SLCO1A2: variants seen among roughly 807,000 people sequenced by gnomAD.
The protein encoded by SLCO1A2 is OATP-1.
SLCO1A2 carries 67 observed loss-of-function variants against 69.0 expected under a neutral mutation model. That is an observed-to-expected ratio of 0.97 (90% CI 0.80 to 1.19). The LOEUF (loss-of-function observed/expected upper bound fraction) is 1.19. Ranked by LOEUF, SLCO1A2 falls within the 50% of genes most tolerant of loss-of-function variation. SLCO1A2 has a pLI of 0.00. For synonymous variants in SLCO1A2, 260 were observed against 265.9 expected (o/e 0.98, Z 0.22); for missense variants, 787 against 793.7 (o/e 0.99, Z 0.10).
intron 11 of SLCO1A2, among the ~76,000 whole-genome samples, chr12:21,293,472 C>A (rs561054580): frequency 2.2e-4 from 33 of 151,838 alleles, no homozygotes; most frequent in African/African-American, 7.0e-4. Context: ...ATTGTGATAT[C>A]TTAGAGGCAA....
At chr12:21,407,313 T>C (rs184883170) in intron 1 of SLCO1A2, among the ~76,000 whole-genome samples, 15 of 152,132 alleles carry the variant, frequency 9.9e-5, no homozygotes, top group African/African-American at 3.6e-4. Context: ...GATAAGAAGG[T>C]TGGTGTAGTT....
chr12:21,401,183 T>C (rs1260056893), intron 1 of SLCO1A2, among the ~76,000 whole-genome samples: 1 of 151,794 alleles, frequency 6.6e-6, no homozygotes. Context: ...AAAAACAAAA[T>C]ATATTTAATT....
chr12:21,314,477 G>C, intron 4 of SLCO1A2, 72 bp downstream of exon 4: 1 of 1,526,062 alleles, frequency 6.6e-7, no homozygotes, highest in Non-Finnish European at 9.1e-7. Context: ...ATTGCTCCTA[G>C]AGAGGAAAGT....
chr12:21,363,935 C>T (rs1031178175), intron 2 of SLCO1A2, among the ~76,000 whole-genome samples: 1 of 152,082 alleles, frequency 6.6e-6, no homozygotes, highest in African/African-American at 2.4e-5. Flanking sequence ...AGTCCAGGAC[C>T]AGATGGATTC....
chr12:21,364,984 T>C (rs929073707), intron 2 of SLCO1A2, among the ~76,000 whole-genome samples: 2 of 152,186 alleles, frequency 1.3e-5, no homozygotes, highest in Admixed American at 6.5e-5. Context: ...AGGTAATTTA[T>C]AGATTCAATG....
intron 7 of SLCO1A2, among the ~76,000 whole-genome samples, chr12:21,300,798 T>G (rs1213631319): frequency 1.3e-5 from 2 of 152,232 alleles, no homozygotes; most frequent in African/African-American, 2.4e-5. Flanking sequence ...AGGTATTAAC[T>G]AAACAGCTAC....
At chr12:21,273,702 A>C (rs1270842077) in intron 14 of SLCO1A2, among the ~76,000 whole-genome samples, 5 of 152,164 alleles carry the variant, frequency 3.3e-5, no homozygotes, top group African/African-American at 9.6e-5. Flanking sequence ...TTCCCTCAGC[A>C]TCACTCCTGG....
chr12:21,409,753 G>T (rs942978806), intron 1 of SLCO1A2, among the ~76,000 whole-genome samples: 3 of 152,164 alleles, frequency 2.0e-5, no homozygotes, highest in African/African-American at 7.2e-5. Context: ...TGAGATCACA[G>T]TCGTATATTT....
chr12:21,325,556 C>A (rs1453064510), intron 2 of SLCO1A2, among the ~76,000 whole-genome samples: 1 of 152,142 alleles, frequency 6.6e-6, no homozygotes. Context: ...TTTCAGCTCC[C>A]TCATTATAAC....
intron 8 of SLCO1A2, 133 bp from the exon 9 acceptor site, chr12:21,297,701 T>G (rs1304491164): frequency 3.3e-6 from 2 of 603,298 alleles, no homozygotes; most frequent in Non-Finnish European, 5.4e-6. Context: ...TTGCTAATTC[T>G]TTTTTCCCCT....
rs746759359 is a variant in SLCO1A2 at position 21,292,277 on chromosome 12, C to A, written c.1497G>T (p.Leu499=). The part of the protein sequence containing the change: ...TSGNSSAVLG[L]CDKGPDCSLM... Reference sequence around the variant, plus strand: ...AGGAACAGTCAGGTCCTTTGTCGCACAGCCCAAGAACTGCAGATGAATTTC... The same window carrying A: ...AGGAACAGTCAGGTCCTTTGTCGCAAAGCCCAAGAACTGCAGATGAATTTC... The change falls in exon 12 of 15, where the codon CTG becomes CTT. Residue 499 remains leucine (L), a synonymous_variant. Transcript: ENST00000683939. 6 of 1,613,038 alleles carry A rather than the reference C, an allele frequency of 3.7e-6. No individual in the cohort carries two copies. The Middle Eastern group carries it at 8.3e-4, about 222-fold the overall frequency.
intron 10 of SLCO1A2, 112 bp from the exon 11 acceptor site, chr12:21,294,222 G>T (rs1407468891): frequency 3.4e-6 from 3 of 871,662 alleles, no homozygotes; most frequent in Non-Finnish European, 5.0e-6. Context: ...AATAGAAAGA[G>T]AAATTTTCCA....
intron 12 of SLCO1A2, among the ~76,000 whole-genome samples, chr12:21,279,306 T>C (rs1041942574): frequency 1.3e-5 from 2 of 152,142 alleles, no homozygotes; most frequent in Admixed American, 6.6e-5. Flanking sequence ...AAAGGGATAA[T>C]AGCAGAGAAC....
At chr12:21,306,580 G>A (rs1259995809) in intron 5 of SLCO1A2, among the ~76,000 whole-genome samples, 1 of 152,140 alleles carries the variant, frequency 6.6e-6, no homozygotes, top group Non-Finnish European at 1.5e-5. Context: ...ATCCGTCTCA[G>A]CCTCCCAAAG....
At chr12:21,371,653 T>C (rs1939799399) in intron 2 of SLCO1A2, among the ~76,000 whole-genome samples, 1 of 152,166 alleles carries the variant, frequency 6.6e-6, no homozygotes, top group Non-Finnish European at 1.5e-5. Context: ...TTTATTTGCT[T>C]TACATGACAC....
intron 2 of SLCO1A2, among the ~76,000 whole-genome samples, chr12:21,341,230 T>C (rs1260884863): frequency 2.6e-5 from 4 of 151,982 alleles, no homozygotes; most frequent in South Asian, 4.1e-4. Flanking sequence ...TGGGTATGCC[T>C]ATTGATGTAT....
chr12:21,381,862 C>A (rs1266613849), intron 1 of SLCO1A2, among the ~76,000 whole-genome samples: 1 of 152,118 alleles, frequency 6.6e-6, no homozygotes, highest in Non-Finnish European at 1.5e-5. Context: ...AAAAGAAATG[C>A]TTACACAATG....
intron 2 of SLCO1A2, among the ~76,000 whole-genome samples, chr12:21,364,701 T>A (rs1043084630): frequency 6.6e-6 from 1 of 152,152 alleles, no homozygotes; most frequent in African/African-American, 2.4e-5. Context: ...CAGCAAAATC[T>A]CAGGATACAA....
At chr12:21,358,876 C>T (rs1475685044) in intron 2 of SLCO1A2, among the ~76,000 whole-genome samples, 1 of 151,996 alleles carries the variant, frequency 6.6e-6, no homozygotes, top group Non-Finnish European at 1.5e-5. Flanking sequence ...CTTCATTTAA[C>T]CATGGCAATA....
Sources: gnomAD v4.1 joint callset for allele counts (sites outside exome capture counted in the v4.1 genomes callset) on GRCh38, gnomAD v4.1.1 for gene constraint, MANE v1.5 for transcripts, NCBI Gene and HGNC (gene_info 2026-07-23, HGNC 2026-07-21) for gene names.